The following POLE2 variants were observed in gnomAD, a reference collection of about 807,000 sequenced individuals.
POLE2 encodes the protein DNA polymerase epsilon subunit 2.
POLE2 carries 56 observed loss-of-function variants against 79.4 expected under a neutral mutation model. That is an observed-to-expected ratio of 0.71 (90% CI 0.57 to 0.88). The LOEUF is 0.88. POLE2 is among the 40% of genes least tolerant of loss of function. The pLI, the probability that POLE2 is intolerant of heterozygous loss-of-function variation, is 0.00. For missense variants in POLE2, 598 were observed against 638.9 expected, an observed-to-expected ratio of 0.94 and a Z score of 0.69; for synonymous variants, 212 against 214.0, an observed-to-expected ratio of 0.99 and a Z score of 0.08.
intron 5 of POLE2, among the ~76,000 whole-genome samples, chr14:49,671,907 T>C (rs1199043904): frequency 6.6e-6 from 1 of 152,096 alleles, no homozygotes; most frequent in African/African-American, 2.4e-5. Context: ...TGAGCCAAGT[T>C]TGCACCACTG....
At chr14:49,671,436 G>A (rs1885881655) in intron 5 of POLE2, among the ~76,000 whole-genome samples, 1 of 151,852 alleles carries the variant, frequency 6.6e-6, no homozygotes, top group Non-Finnish European at 1.5e-5. Flanking sequence ...GGCTAACACA[G>A]TGAAACCCAT....
At chr14:49,679,576 A>G in intron 3 of POLE2, 149 bp downstream of exon 3, 1 of 546,304 alleles carries the variant, frequency 1.8e-6, no homozygotes, top group Non-Finnish European at 3.3e-6. Context: ...GAGGTTTGCA[A>G]AGAAAGCCAT....
At chr14:49,647,724 C>T (rs570640324) in intron 17 of POLE2, among the ~76,000 whole-genome samples, 2 of 152,272 alleles carry the variant, frequency 1.3e-5, no homozygotes, top group South Asian at 4.1e-4. Context: ...TCTCAGAGTG[C>T]TGGGATTACA....
chr14:49,648,721 G>A (rs1408303157), intron 17 of POLE2, among the ~76,000 whole-genome samples: 1 of 152,192 alleles, frequency 6.6e-6, no homozygotes, highest in Non-Finnish European at 1.5e-5. Context: ...GCACAGGATA[G>A]CCCCCACCAC....
At chr14:49,649,126 T>G (rs1049935825) in intron 17 of POLE2, among the ~76,000 whole-genome samples, 3 of 150,268 alleles carry the variant, frequency 2.0e-5, no homozygotes, top group African/African-American at 7.3e-5. Context: ...AAGTCAATTA[T>G]ATTTCTTTCC....
chr14:49,682,649 A>G (rs1886811809), intron 2 of POLE2, among the ~76,000 whole-genome samples: 2 of 150,100 alleles, frequency 1.3e-5, no homozygotes, highest in African/African-American at 2.5e-5. Context: ...GGAAAAAAAA[A>G]AAAAAAAAAA....
chr14:49,664,347 T>C (rs1251859177), intron 9 of POLE2, among the ~76,000 whole-genome samples: 1 of 137,548 alleles, frequency 7.3e-6, no homozygotes, highest in Admixed American at 7.5e-5. Flanking sequence ...AGACTCTGTC[T>C]CCAAAAAAAA....
chr14:49,677,968 T>G, intron 3 of POLE2: 18 of 261,634 alleles, frequency 6.9e-5, no homozygotes, highest in Admixed American at 1.1e-4. Context: ...CTGGAATCTC[T>G]ACCCATTCTT....
At chr14:49,653,623 GTTTTTTGTTTTTTTTGT>G (rs543812012) in intron 15 of POLE2, among the ~76,000 whole-genome samples, 40 of 151,688 alleles carry the variant, frequency 2.6e-4, no homozygotes, top group Non-Finnish European at 5.3e-4. Flanking sequence ...TAGTTTTTTT[GTTTTTTGTTTTTTTTGT>G]TTTTTTGTTT....
At chr14:49,664,214 T>C (rs529055027) in intron 9 of POLE2, among the ~76,000 whole-genome samples, 3 of 151,520 alleles carry the variant, frequency 2.0e-5, no homozygotes, top group Admixed American at 1.3e-4. Flanking sequence ...CTAGGCATGG[T>C]GGCATGCGCC....
chr14:49,660,712 C>A (rs181355818), intron 10 of POLE2, among the ~76,000 whole-genome samples: 2 of 152,048 alleles, frequency 1.3e-5, no homozygotes, highest in South Asian at 4.1e-4. Flanking sequence ...ACCAACATAG[C>A]GAAACCCTGT....
chr14:49,652,612 C>A (rs985062196), intron 15 of POLE2, among the ~76,000 whole-genome samples: 4 of 152,118 alleles, frequency 2.6e-5, no homozygotes, highest in African/African-American at 7.2e-5. Context: ...CTGTTGTGAA[C>A]TGTACACGTG....
chr14:49,658,140 G>A (rs1042275589), intron 10 of POLE2, among the ~76,000 whole-genome samples: 1 of 151,274 alleles, frequency 6.6e-6, no homozygotes, highest in Admixed American at 6.6e-5. Flanking sequence ...GCAATGGCAT[G>A]ATCTCGGCTC....
At position 49,674,555 on chromosome 14, in the gene POLE2, ATTTC is replaced by A. The variant is rs1308571986; in HGVS notation, c.246-132_246-129del. 4.6e-6 allele frequency: 3 copies of A among 650,798 alleles called. No individual in the cohort carries two copies. The African/African-American group carries it at 5.5e-5, about 12-fold the overall frequency. 40.3% of individuals were successfully genotyped at this position (650,798 alleles called of 1,614,324 possible). A position where few individuals can be genotyped will look rare whatever the true frequency, so the allele number is the denominator to read the frequency against. On this transcript the variant is annotated intron_variant, in intron 3 of 18. Transcript: ENST00000216367. ...CACATTTTCTCAGGCCAGGCACACA[ATTTC>A]TTTTTCTTTTTCTTTTTCTTTTTTA... is the stretch of plus-strand genomic sequence containing the variant.
chr14:49,661,493 T>A (rs1029957559), intron 10 of POLE2, among the ~76,000 whole-genome samples: 2 of 152,160 alleles, frequency 1.3e-5, no homozygotes, highest in African/African-American at 2.4e-5. Flanking sequence ...CAGAAACACC[T>A]ATTAAGCTAA....
intron 5 of POLE2, 94 bp downstream of exon 5, chr14:49,674,029 T>C (rs1886073559): frequency 5.0e-6 from 4 of 797,846 alleles, no homozygotes; most frequent in Non-Finnish European, 8.6e-6. Context: ...AAAATTCCAT[T>C]CTTTAAATAT....
At chr14:49,655,597 ATAGAAT>A in intron 11 of POLE2, 68 bp downstream of exon 11, 1 of 970,880 alleles carries the variant, frequency 1.0e-6, no homozygotes, top group Admixed American at 2.4e-5. Context: ...AAAAAGATAA[ATAGAAT>A]ACTCAAAAAG....
At chr14:49,682,412 C>T (rs973567528) in intron 2 of POLE2, among the ~76,000 whole-genome samples, 2 of 151,192 alleles carry the variant, frequency 1.3e-5, no homozygotes, top group South Asian at 2.1e-4. Flanking sequence ...CCGAGGTGGG[C>T]GATCACCTGA....
chr14:49,656,605 T>C (rs551153282), intron 10 of POLE2, among the ~76,000 whole-genome samples: 17 of 152,280 alleles, frequency 1.1e-4, no homozygotes, highest in Non-Finnish European at 2.1e-4. Flanking sequence ...AGCTTGGTTT[T>C]ATTCAATGCT....
Sources: allele counts gnomAD v4.1 joint callset (sites outside exome capture counted in the v4.1 genomes callset), GRCh38; gene constraint gnomAD v4.1.1; transcripts MANE v1.5; gene names NCBI Gene and HGNC (gene_info 2026-07-23, HGNC 2026-07-21).